The following SLC24A4 variants were observed in gnomAD, a reference collection of about 807,000 sequenced individuals.
The protein encoded by SLC24A4 is sodium/potassium/calcium exchanger 4.
SLC24A4 carries 53 observed loss-of-function variants against 79.0 expected under a neutral mutation model. The ratio of observed to expected loss-of-function variants is 0.67; its 90% confidence interval spans 0.54 to 0.84. The LOEUF is 0.84. Among genes scored for constraint, SLC24A4 ranks in the 40% least tolerant of loss-of-function variants. The pLI is 0.00. For synonymous variants in SLC24A4, 323 were observed against 323.8 expected, an observed-to-expected ratio of 1.00 and a Z score of 0.03; for missense variants, 731 against 822.0, an observed-to-expected ratio of 0.89 and a Z score of 1.35.
intron 3 of SLC24A4, among the ~76,000 whole-genome samples, chr14:92,434,868 G>A (rs1262980141): frequency 6.6e-6 from 1 of 152,090 alleles, no homozygotes; most frequent in Non-Finnish European, 1.5e-5. Context: ...CTGCCTCCTG[G>A]GTTCAAAAGA....
At chr14:92,475,037 T>A (rs1234886535) in intron 12 of SLC24A4, among the ~76,000 whole-genome samples, 3 of 151,216 alleles carry the variant, frequency 2.0e-5, no homozygotes, top group African/African-American at 7.3e-5. Context: ...ACGGTCCTGG[T>A]AGTAATGGTG....
chr14:92,436,004 A>AG (rs946172910), intron 3 of SLC24A4, among the ~76,000 whole-genome samples: 2 of 152,204 alleles, frequency 1.3e-5, no homozygotes, highest in African/African-American at 4.8e-5. Flanking sequence ...CCTTTAGAGG[A>AG]GGGGTTACCA....
intron 2 of SLC24A4, among the ~76,000 whole-genome samples, chr14:92,392,729 A>T (rs983796243): frequency 6.6e-6 from 1 of 152,184 alleles, no homozygotes; most frequent in African/African-American, 2.4e-5. Context: ...CCTTTGAGGA[A>T]GTGAGGGATT....
chr14:92,340,740 G>T (rs755370982), intron 2 of SLC24A4, among the ~76,000 whole-genome samples: 1 of 152,100 alleles, frequency 6.6e-6, no homozygotes, highest in Non-Finnish European at 1.5e-5. Context: ...ACAACCGAGA[G>T]GGGGCACGGA....
chr14:92,462,297 C>T (rs1893861174), intron 12 of SLC24A4: 1 of 152,224 alleles, frequency 6.6e-6, no homozygotes. Context: ...GTGTGTGTTT[C>T]ACAAAAGTCC....
In SLC24A4 at chr14:92,493,977, G is replaced by C. The variant is rs1895839612; in HGVS notation, c.*349G>C. On this transcript the variant is annotated 3_prime_UTR_variant, in exon 17 of 17. Coordinates refer to ENST00000532405, the MANE Select transcript of SLC24A4 (RefSeq NM_153646.4). ...ATGCAGTTTGTCTTTCTGTTCTGCA[G>C]GCAGCTTCAGAATTGAGGTCATTTG... The C allele has an allele frequency of 8.8e-6, 2 of 227,144 alleles. No individual in the cohort carries two copies. The highest frequency in any genetic ancestry group is 4.5e-5 in the African/African-American group (2 of 44,282). 14.1% of individuals were successfully genotyped at this position (227,144 alleles called of 1,614,324 possible).
intron 2 of SLC24A4, among the ~76,000 whole-genome samples, chr14:92,365,271 C>G (rs1191683156): frequency 6.6e-6 from 1 of 152,258 alleles, no homozygotes; most frequent in Middle Eastern, 3.2e-3. Flanking sequence ...ATTCACCTCA[C>G]CAGGCGATTG....
At chr14:92,472,126 C>T (rs1022260342) in intron 12 of SLC24A4, among the ~76,000 whole-genome samples, 2 of 152,200 alleles carry the variant, frequency 1.3e-5, no homozygotes, top group African/African-American at 2.4e-5. Flanking sequence ...CTCTGAACTG[C>T]TTCCTCCATC....
chr14:92,360,554 C>A (rs1017455006), intron 2 of SLC24A4, among the ~76,000 whole-genome samples: 1 of 152,180 alleles, frequency 6.6e-6, no homozygotes, highest in Non-Finnish European at 1.5e-5. Flanking sequence ...GGGGCTGATA[C>A]CAATAATGCT....
At chr14:92,358,778 A>C (rs541425141) in intron 2 of SLC24A4, among the ~76,000 whole-genome samples, 29 of 142,976 alleles carry the variant, frequency 2.0e-4, no homozygotes, top group Non-Finnish European at 3.6e-4. Context: ...TCTGCCTCCC[A>C]GGTTCAAGTG....
At chr14:92,460,137 A>G (rs1893716411) in intron 12 of SLC24A4, among the ~76,000 whole-genome samples, 1 of 151,948 alleles carries the variant, frequency 6.6e-6, no homozygotes, top group Non-Finnish European at 1.5e-5. Flanking sequence ...ATGTGCAGAT[A>G]TCGTGTGTTG....
chr14:92,372,945 C>CTTTT (rs1476503242), intron 2 of SLC24A4, among the ~76,000 whole-genome samples: 1 of 124,064 alleles, frequency 8.1e-6, no homozygotes, highest in African/African-American at 2.9e-5. Flanking sequence ...CTTTTTCTCT[C>CTTTT]TCTCTCTCTC....
intron 12 of SLC24A4, among the ~76,000 whole-genome samples, chr14:92,465,834 C>A (rs1206272269): frequency 2.0e-5 from 3 of 152,088 alleles, no homozygotes; most frequent in African/African-American, 7.3e-5. Context: ...TGCACCACCC[C>A]CAGCCCAGAC....
chr14:92,411,750 A>G (rs7143712), intron 2 of SLC24A4, among the ~76,000 whole-genome samples: 109,370 of 152,070 alleles, frequency 0.72, 39,700 homozygotes, highest in East Asian at 0.97. Context: ...GATTGAGCAC[A>G]TACTCTATAT....
intron 12 of SLC24A4, among the ~76,000 whole-genome samples, chr14:92,468,226 T>C (rs1281718715): frequency 6.6e-6 from 1 of 152,208 alleles, no homozygotes; most frequent in Admixed American, 6.5e-5. Flanking sequence ...ACAAGACTTG[T>C]ATGCTGAATT....
At chr14:92,445,155 A>G (rs1489282670) in intron 7 of SLC24A4, 162 bp from the exon 8 acceptor site, 2 of 778,122 alleles carry the variant, frequency 2.6e-6, no homozygotes, top group Non-Finnish European at 4.5e-6. Flanking sequence ...GGCCTAGGCT[A>G]CACTAAGGAA....
rs1887001817 is a variant in SLC24A4, at chr14:92,353,527, A to G, written c.241+27549A>G. On this transcript the variant is annotated intron_variant, in intron 2 of 16. Coordinates refer to ENST00000532405, the MANE Select transcript of SLC24A4 (RefSeq NM_153646.4). This position sits in a 1 kb window ranked among gnomAD's most constrained non-coding sequence, Gnocchi z 4.1. ...ATTGGCAGCCTTTGTCCCACCAGAC[A>G]TGGATGAGAGGGCCGGTTCTCCCCA... 6.6e-6 allele frequency among the ~76,000 whole-genome samples: 1 copy of G among 152,208 alleles called. No homozygotes were observed. The highest frequency in any genetic ancestry group is 1.5e-5 in the Non-Finnish European group (1 of 68,030).
intron 2 of SLC24A4, among the ~76,000 whole-genome samples, chr14:92,388,405 G>C (rs1052240767): frequency 6.6e-6 from 1 of 152,162 alleles, no homozygotes; most frequent in African/African-American, 2.4e-5. Context: ...TGTGGCTGCC[G>C]GTGCTCAGTC....
intron 2 of SLC24A4, among the ~76,000 whole-genome samples, chr14:92,338,780 A>G: frequency 6.6e-6 from 1 of 152,204 alleles, no homozygotes; most frequent in Admixed American, 6.5e-5. Context: ...CTCAGGTGGA[A>G]AGCCATCCTT....
Sources: gnomAD v4.1 joint callset for allele counts (sites outside exome capture counted in the v4.1 genomes callset) on GRCh38, gnomAD v4.1.1 for gene constraint, Gnocchi (gnomAD v3.1) non-coding constraint, MANE v1.5 for transcripts, NCBI Gene and HGNC (gene_info 2026-07-23, HGNC 2026-07-21) for gene names.